LRRTM3: variants seen among roughly 807,000 people sequenced by gnomAD.
The protein encoded by LRRTM3 is leucine-rich repeat transmembrane neuronal protein 3.
Under a neutral mutation model 44.7 loss-of-function variants are expected in LRRTM3, and 24 were observed. That is an observed-to-expected ratio of 0.54 (90% CI 0.39 to 0.76). The LOEUF (loss-of-function observed/expected upper bound fraction) is 0.76. Ranked by LOEUF, LRRTM3 falls within the 30% of genes least tolerant of loss-of-function variation. The pLI is 0.00. For missense variants in LRRTM3, 587 were observed against 702.2 expected (o/e 0.84, Z 1.85); for synonymous variants, 277 against 278.7 (o/e 0.99, Z 0.06).
At chr10:67,083,033 A>C (rs1857128438) in intron 2 of LRRTM3, among the ~76,000 whole-genome samples, 2 of 152,168 alleles carry the variant, frequency 1.3e-5, no homozygotes, top group South Asian at 4.1e-4. Context: ...TTCTCACAAA[A>C]AAGCAGGTGT....
At chr10:66,952,805 G>A (rs1322104764) in intron 2 of LRRTM3, among the ~76,000 whole-genome samples, 1 of 151,626 alleles carries the variant, frequency 6.6e-6, no homozygotes, top group African/African-American at 2.4e-5. Context: ...TTGAAAATTA[G>A]CCCTGCTTGT....
intron 2 of LRRTM3, among the ~76,000 whole-genome samples, chr10:67,047,638 G>C (rs1018991072): frequency 1.3e-5 from 2 of 151,930 alleles, no homozygotes; most frequent in Non-Finnish European, 2.9e-5. Flanking sequence ...TCAGCAAGTT[G>C]CTACTATATA....
chr10:67,005,427 A>G (rs961161404), intron 2 of LRRTM3, among the ~76,000 whole-genome samples: 5 of 152,022 alleles, frequency 3.3e-5, no homozygotes, highest in African/African-American at 7.2e-5. Flanking sequence ...GTATTTCCTA[A>G]TTCAAAATTA....
At chr10:67,093,328 T>C (rs548073353) in intron 2 of LRRTM3, among the ~76,000 whole-genome samples, 2 of 152,074 alleles carry the variant, frequency 1.3e-5, no homozygotes, top group African/African-American at 4.8e-5. Context: ...TTCAGGTAGG[T>C]TGACTAAGTC....
At chr10:66,977,930 A>G (rs1850141391) in intron 2 of LRRTM3, among the ~76,000 whole-genome samples, 1 of 152,188 alleles carries the variant, frequency 6.6e-6, no homozygotes, top group African/African-American at 2.4e-5. Context: ...TTATGGAACC[A>G]AAACATATTT....
At chr10:66,973,039 T>C (rs1483295354) in intron 2 of LRRTM3, among the ~76,000 whole-genome samples, 3 of 152,224 alleles carry the variant, frequency 2.0e-5, no homozygotes, top group Admixed American at 6.5e-5. Flanking sequence ...TTACAAAATA[T>C]GCTATAATAG....
At chr10:67,080,632 G>A (rs1030809913) in intron 2 of LRRTM3, among the ~76,000 whole-genome samples, 8 of 152,084 alleles carry the variant, frequency 5.3e-5, no homozygotes, top group East Asian at 1.9e-4. Flanking sequence ...AGTAACGGCC[G>A]GGCATGGTGG....
chr10:67,057,227 T>A (rs1305881236), intron 2 of LRRTM3, among the ~76,000 whole-genome samples: 1 of 152,192 alleles, frequency 6.6e-6, no homozygotes, highest in Non-Finnish European at 1.5e-5. Context: ...AATTGTGAAA[T>A]GATTGCCACA....
intron 2 of LRRTM3, among the ~76,000 whole-genome samples, chr10:67,061,351 T>C (rs1221632775): frequency 2.0e-5 from 3 of 152,232 alleles, no homozygotes; most frequent in Admixed American, 6.5e-5. Context: ...ATGACAGCAC[T>C]ATTTACAAAA....
chr10:66,930,078 T>A (rs1847291306), intron 2 of LRRTM3, among the ~76,000 whole-genome samples: 1 of 151,160 alleles, frequency 6.6e-6, no homozygotes, highest in Non-Finnish European at 1.5e-5. Flanking sequence ...TGTTTGGGGG[T>A]TTTTCATATG....
chr10:66,948,898 G>C (rs1015956648), intron 2 of LRRTM3, among the ~76,000 whole-genome samples: 4 of 152,178 alleles, frequency 2.6e-5, no homozygotes, highest in Non-Finnish European at 5.9e-5. Flanking sequence ...AAGGTGTCAA[G>C]TGTGGGTCTC....
chr10:67,017,812 C>G (rs1424622995), intron 2 of LRRTM3, among the ~76,000 whole-genome samples: 3 of 152,016 alleles, frequency 2.0e-5, no homozygotes, highest in Admixed American at 6.6e-5. Flanking sequence ...CTCTGTCACC[C>G]AGGCTGGAAT....
At chr10:67,091,780 T>C (rs1238060714) in intron 2 of LRRTM3, among the ~76,000 whole-genome samples, 1 of 151,944 alleles carries the variant, frequency 6.6e-6, no homozygotes, top group Non-Finnish European at 1.5e-5. Context: ...GGAGTCAAAG[T>C]AGATGGGCAA....
At chr10:67,039,320 A>G (rs2133139361) in intron 2 of LRRTM3, among the ~76,000 whole-genome samples, 1 of 152,260 alleles carries the variant, frequency 6.6e-6, no homozygotes, top group Admixed American at 6.5e-5. Context: ...GTTAACATAA[A>G]TGCTAAAATA....
intron 2 of LRRTM3, among the ~76,000 whole-genome samples, chr10:66,960,610 G>A (rs999256510): frequency 2.0e-5 from 3 of 152,128 alleles, no homozygotes; most frequent in Non-Finnish European, 4.4e-5. Flanking sequence ...TTTGTTAATT[G>A]AATCAAATAT....
chr10:66,943,389 C>T (rs1439861061), intron 2 of LRRTM3, among the ~76,000 whole-genome samples: 2 of 152,034 alleles, frequency 1.3e-5, no homozygotes, highest in African/African-American at 4.8e-5. Flanking sequence ...AAATTAGAAA[C>T]TGACTATACC....
chr10:67,040,177 C>T lies in LRRTM3; in HGVS notation c.1537-57410C>T, dbSNP rs1854303909. ...CATGTTAAGTGAAGGGAAACAAGCT[C>T]TAATGGTGCCCTTTAATGTTCTGAA... On this transcript the variant is annotated intron_variant, in intron 2 of 2. Transcript: ENST00000361320. 3.3e-5 allele frequency among the ~76,000 whole-genome samples: 5 copies of T among 152,122 alleles called. No individual in the cohort carries two copies. The South Asian group carries it at 8.3e-4, about 25-fold the overall frequency.
At chr10:67,015,429 T>C (rs1412807475) in intron 2 of LRRTM3, 2 of 152,186 alleles carry the variant, frequency 1.3e-5, no homozygotes, top group Non-Finnish European at 2.9e-5. Flanking sequence ...CTTGATACTA[T>C]ATTTGACTGA....
rs551683164 is a variant in LRRTM3 at position 67,083,399 on chromosome 10, CA to C, written c.1537-14177del. ...ACCATCTAGGAAATTTGTCTCAGTG[CA>C]AAAAAAAAAAGTATAGTCCTATCTT... On this transcript the variant is annotated intron_variant, in intron 2 of 2. Transcript: ENST00000361320. Among the ~76,000 whole-genome samples the C allele has an allele frequency of 1.2e-3, 174 of 142,178 alleles. 1 individual carries two copies. The highest frequency in any genetic ancestry group is 3.6e-3 in the Middle Eastern group (1 of 276). The allele number at this position is 142,178 out of a possible 152,430, so 93.3% of individuals were successfully genotyped here. A position where few individuals can be genotyped will look rare whatever the true frequency, so the allele number is the denominator to read the frequency against.
Sources: gnomAD v4.1 joint callset for allele counts (sites outside exome capture counted in the v4.1 genomes callset) on GRCh38, gnomAD v4.1.1 for gene constraint, MANE v1.5 for transcripts, NCBI Gene and HGNC (gene_info 2026-07-23, HGNC 2026-07-21) for gene names.